The following NRG1 variants were observed in gnomAD, a reference collection of about 807,000 sequenced individuals.
NRG1 encodes neuregulin 1.
A neutral mutation model predicts 63.8 loss-of-function variants in NRG1; 18 were observed. The ratio of observed to expected loss-of-function variants is 0.28; its 90% CI spans 0.19 to 0.42. The LOEUF (loss-of-function observed/expected upper bound fraction) is 0.42. Among genes scored for constraint, NRG1 ranks in the 10% least tolerant of loss-of-function variants. The pLI, the probability that NRG1 is intolerant of heterozygous loss-of-function variation, is 1.00. For synonymous variants in NRG1, 302 were observed against 301.3 expected (o/e 1.00, Z -0.02); for missense variants, 762 against 814.7 (o/e 0.94, Z 0.79).
intron 1 of NRG1, among the ~76,000 whole-genome samples, chr8:32,463,684 A>G (rs762089532): frequency 6.6e-6 from 1 of 151,762 alleles, no homozygotes; most frequent in East Asian, 2.0e-4. Context: ...TCTCTAAAAA[A>G]TAAAATATTA....
At chr8:31,744,877 A>G (rs769133571) in intron 1 of NRG1, among the ~76,000 whole-genome samples, 4 of 151,992 alleles carry the variant, frequency 2.6e-5, no homozygotes, top group Non-Finnish European at 4.4e-5. Context: ...AAATCAAGCT[A>G]GCTTTCTGGC....
intron 1 of NRG1, among the ~76,000 whole-genome samples, chr8:32,509,389 C>T (rs1440204857): frequency 2.0e-5 from 3 of 152,236 alleles, no homozygotes; most frequent in African/African-American, 4.8e-5. Context: ...TCACCACATC[C>T]GGCCTGAATT....
intron 1 of NRG1, among the ~76,000 whole-genome samples, chr8:32,040,215 A>T (rs969165432): frequency 1.3e-5 from 2 of 152,272 alleles, no homozygotes; most frequent in Middle Eastern, 3.4e-3. Context: ...GAGCCTAAAG[A>T]TTTTCAAATG....
Position 32,177,437 on chromosome 8 carries a change from C to A in NRG1, c.38-418391C>A, listed in dbSNP as rs548707507. 2.6e-5 allele frequency among the ~76,000 whole-genome samples: 4 copies of A among 151,990 alleles called. No homozygotes were observed. In the East Asian group the frequency reaches 5.8e-4, roughly 22 times the overall value. On this transcript the variant is annotated intron_variant, in intron 1 of 10. Transcript: ENST00000519301. ...GGCACATGTATACATATGTAACTAA[C>A]CTGCATGTTGTGTACATGTACCCTA...
intron 1 of NRG1, among the ~76,000 whole-genome samples, chr8:32,199,640 T>G (rs1843303219): frequency 6.6e-6 from 1 of 152,204 alleles, no homozygotes; most frequent in Non-Finnish European, 1.5e-5. Flanking sequence ...TTCTCTACTC[T>G]TTTTCTTTCT....
chr8:31,696,853 A>T (rs983130144), intron 1 of NRG1, among the ~76,000 whole-genome samples: 2 of 152,146 alleles, frequency 1.3e-5, no homozygotes, highest in Non-Finnish European at 2.9e-5. Context: ...CAGAGTGTGC[A>T]TAGGTGTGTG....
intron 1 of NRG1, among the ~76,000 whole-genome samples, chr8:31,818,671 T>C (rs1823687958): frequency 6.6e-6 from 1 of 152,186 alleles, no homozygotes; most frequent in Admixed American, 6.5e-5. Flanking sequence ...GCTCACCTGC[T>C]GCTCACCTCC....
At position 32,441,699 on chromosome 8, in the gene NRG1, G is replaced by A. The variant is rs554911853; in HGVS notation, c.38-154129G>A. Among the ~76,000 whole-genome samples, 148 of 152,166 alleles carry A rather than the reference G, an allele frequency of 9.7e-4. 1 individual carries two copies. Among genetic ancestry groups the A allele is most frequent in the Non-Finnish European group, 4.9e-4 (33 of 68,002 alleles). On this transcript the variant is annotated intron_variant, in intron 1 of 10. Coordinates refer to the NRG1 transcript ENST00000519301. ...TTCAAGACTCTTCAAAGATCTCAAAGAGAAGCTTTACTCTGGAGTCTCAAC... is the reference window on the plus strand; with the variant it reads ...TTCAAGACTCTTCAAAGATCTCAAAAAGAAGCTTTACTCTGGAGTCTCAAC...
At chr8:32,165,825 T>C (rs1307549173) in intron 1 of NRG1, among the ~76,000 whole-genome samples, 1 of 152,136 alleles carries the variant, frequency 6.6e-6, no homozygotes, top group Non-Finnish European at 1.5e-5. Context: ...AATGGGTGCC[T>C]ACAATGATAA....
intron 1 of NRG1, among the ~76,000 whole-genome samples, chr8:32,090,794 C>G (rs1272618540): frequency 6.6e-6 from 1 of 152,158 alleles, no homozygotes; most frequent in Non-Finnish European, 1.5e-5. Context: ...GAAGTGAAAG[C>G]AGATTAGGGG....
At chr8:32,048,009 C>T (rs1821290008) in intron 1 of NRG1, among the ~76,000 whole-genome samples, 1 of 151,966 alleles carries the variant, frequency 6.6e-6, no homozygotes, top group Admixed American at 6.6e-5. Context: ...ATTTGTCTTT[C>T]TGTGCCTGGA....
At chr8:31,784,208 G>T (rs537638847) in intron 1 of NRG1, among the ~76,000 whole-genome samples, 2 of 152,188 alleles carry the variant, frequency 1.3e-5, no homozygotes, top group East Asian at 3.9e-4. Context: ...TTACCCTCAG[G>T]GTGGAGAAAA....
chr8:32,234,256 C>T (rs534647376), intron 1 of NRG1, among the ~76,000 whole-genome samples: 16 of 152,078 alleles, frequency 1.1e-4, no homozygotes, highest in Middle Eastern at 3.4e-3. Context: ...TTAATTTTAA[C>T]GAAAATGAAG....
chr8:32,560,016 C>G (rs1364345168), intron 1 of NRG1, among the ~76,000 whole-genome samples: 2 of 151,514 alleles, frequency 1.3e-5, no homozygotes, highest in East Asian at 3.9e-4. Context: ...GACCCTGTGT[C>G]AAAATAAAAT....
intron 1 of NRG1, among the ~76,000 whole-genome samples, chr8:32,320,051 A>G (rs1187828787): frequency 6.6e-6 from 1 of 152,168 alleles, no homozygotes; most frequent in Non-Finnish European, 1.5e-5. Flanking sequence ...CAGGTCTGCT[A>G]CTTAAGAGCT....
At chr8:32,574,540 C>T (rs574986449) in intron 1 of NRG1, among the ~76,000 whole-genome samples, 7 of 152,204 alleles carry the variant, frequency 4.6e-5, no homozygotes, top group African/African-American at 1.7e-4. Flanking sequence ...TAGCACCATT[C>T]CTTGGTGCTG....
chr8:32,087,696 T>C (rs1160334951), intron 1 of NRG1, among the ~76,000 whole-genome samples: 1 of 151,996 alleles, frequency 6.6e-6, no homozygotes, highest in Non-Finnish European at 1.5e-5. Flanking sequence ...CTCTTGAACT[T>C]CTGACCTTGT....
At chr8:31,669,830 G>A (rs942282974) in intron 1 of NRG1, among the ~76,000 whole-genome samples, 23 of 152,150 alleles carry the variant, frequency 1.5e-4, no homozygotes, top group African/African-American at 5.5e-4. Context: ...TGGGGACATT[G>A]AATAAAGCAT....
chr8:32,177,993 CT>C (rs1355744434), intron 1 of NRG1, among the ~76,000 whole-genome samples: 3 of 151,794 alleles, frequency 2.0e-5, no homozygotes, highest in African/African-American at 4.8e-5. Context: ...GAGGAGGGCT[CT>C]CTGGAATTGT....
Sources: allele counts gnomAD v4.1 joint callset (sites outside exome capture counted in the v4.1 genomes callset), GRCh38; gene constraint gnomAD v4.1.1; transcripts MANE v1.5; gene names NCBI Gene and HGNC (gene_info 2026-07-23, HGNC 2026-07-21).